Variants in PRSS23 observed in about 807,000 individuals in gnomAD.
PRSS23 encodes serine protease 23, also known as protease, serine 23.
Under a neutral mutation model 34.7 loss-of-function variants are expected in PRSS23, and 25 were observed. The ratio of observed to expected loss-of-function variants is 0.72; its 90% CI spans 0.53 to 1.01. The LOEUF (loss-of-function observed/expected upper bound fraction) is 1.01, where lower values mean the gene tolerates loss of function less well. PRSS23 is among the 50% of genes least tolerant of loss of function. The probability of loss-of-function intolerance (pLI) is 0.00; values close to 1 mark genes in which losing one functional copy is unlikely to be tolerated. For missense variants in PRSS23, 445 were observed against 475.6 expected, an observed-to-expected ratio of 0.94 and a Z score of 0.60; for synonymous variants, 176 against 186.6, an observed-to-expected ratio of 0.94 and a Z score of 0.46.
At chr11:86,856,035 A>C (rs1473928289) in intron 2 of PRSS23, among the ~76,000 whole-genome samples, 3 of 152,202 alleles carry the variant, frequency 2.0e-5, no homozygotes, top group Non-Finnish European at 4.4e-5. Flanking sequence ...AGAATGTGAA[A>C]CTTTAGGGAT....
At chr11:86,951,638 A>C (rs753949923) in exon 3 of PRSS23, 5 of 1,614,088 alleles carry the variant, frequency 3.1e-6, no homozygotes, top group Non-Finnish European at 4.2e-6. Flanking sequence ...CAAGCCAGTC[A>C]GTTCATCTGC....
intron 2 of PRSS23, among the ~76,000 whole-genome samples, chr11:86,853,916 G>A (rs963567759): frequency 1.3e-5 from 2 of 152,082 alleles, no homozygotes; most frequent in Admixed American, 1.3e-4. Flanking sequence ...CCATCCTAAT[G>A]TGTGGTATCA....
intron 1 of PRSS23, among the ~76,000 whole-genome samples, chr11:86,800,987 A>ATG (rs1948030468): frequency 6.6e-6 from 1 of 152,042 alleles, no homozygotes; most frequent in South Asian, 2.1e-4. Context: ...GGCGGGGGCG[A>ATG]TGGCTACACC....
chr11:86,935,789 A>G (rs565492981), intron 2 of PRSS23: 1 of 152,298 alleles, frequency 6.6e-6, no homozygotes, highest in Non-Finnish European at 1.5e-5. Flanking sequence ...GACCCCTGCC[A>G]ACTCCAAAGT....
chr11:86,804,751 G>C (rs572555596), intron 1 of PRSS23, among the ~76,000 whole-genome samples: 51 of 152,268 alleles, frequency 3.3e-4, no homozygotes, highest in Non-Finnish European at 6.2e-4. Flanking sequence ...AGTTTCTTGA[G>C]ACATAATCAT....
chr11:86,917,758 T>A (rs1949023010), intron 2 of PRSS23, among the ~76,000 whole-genome samples: 1 of 152,224 alleles, frequency 6.6e-6, no homozygotes, highest in South Asian at 2.1e-4. Flanking sequence ...TTAGGGCAGA[T>A]GATTGATCTC....
At chr11:86,859,032 C>T (rs757005395) in intron 2 of PRSS23, among the ~76,000 whole-genome samples, 5 of 151,810 alleles carry the variant, frequency 3.3e-5, no homozygotes, top group African/African-American at 7.3e-5. Context: ...GTACACACAC[C>T]GGTCTAAAAT....
intron 2 of PRSS23, among the ~76,000 whole-genome samples, chr11:86,886,356 A>T (rs934117814): frequency 3.7e-4 from 56 of 152,298 alleles, no homozygotes; most frequent in African/African-American, 1.3e-3. Flanking sequence ...GATCATTTGT[A>T]GGAGTATAAA....
chr11:86,882,092 G>A (rs542222192), intron 2 of PRSS23, among the ~76,000 whole-genome samples: 11 of 152,112 alleles, frequency 7.2e-5, no homozygotes, highest in South Asian at 2.1e-4. Flanking sequence ...TACTATTCTC[G>A]ATTTCATTAT....
exon 3 of PRSS23, chr11:86,952,229 T>C (rs1294592189): frequency 1.2e-6 from 2 of 1,614,144 alleles, no homozygotes; most frequent in Middle Eastern, 1.6e-4. Context: ...TTCCCCAGGC[T>C]GGATGGGGGT....
downstream of PRSS23, among the ~76,000 whole-genome samples, chr11:86,815,165 C>G (rs1292595818): frequency 6.6e-6 from 1 of 152,162 alleles, no homozygotes; most frequent in Non-Finnish European, 1.5e-5. Context: ...GGAACAGCAG[C>G]CAGTTCTTGC....
chr11:86,942,484 T>TA (rs548576156), intron 2 of PRSS23, among the ~76,000 whole-genome samples: 35 of 152,330 alleles, frequency 2.3e-4, no homozygotes, highest in African/African-American at 8.4e-4. Context: ...TTTAATCTCT[T>TA]AAAGAGAAAG....
Position 86,808,290 on chromosome 11 carries a change from A to T in PRSS23, c.647A>T (p.Gln216Leu). The T allele has an allele frequency of 6.2e-7, 1 of 1,614,164 alleles. No homozygotes were observed. Among genetic ancestry groups the T allele is most frequent in the South Asian group, 1.1e-5 (1 of 91,082 alleles). The change falls in exon 2 of 2, where the codon CAG becomes CTG. Residue 216 changes from glutamine (Q) to leucine (L), a missense_variant. Transcript: ENST00000280258. ...ANDSTSAMPEQMKFQWIRVKR... is the reference protein window; with the variant it reads ...ANDSTSAMPELMKFQWIRVKR... Reference sequence around the variant, plus strand: ...GACTCCACTTCAGCCATGCCCGAGCAGATGAAATTTCAGTGGATCCGGGTG... The same window carrying T: ...GACTCCACTTCAGCCATGCCCGAGCTGATGAAATTTCAGTGGATCCGGGTG...
intron 2 of PRSS23, among the ~76,000 whole-genome samples, chr11:86,873,992 A>G (rs1948705914): frequency 6.6e-6 from 1 of 152,222 alleles, no homozygotes; most frequent in Admixed American, 6.5e-5. Context: ...TGCAAGACAT[A>G]GATTAGGGAA....
chr11:86,831,400 A>G (rs1590883989), intron 2 of PRSS23, among the ~76,000 whole-genome samples: 1 of 151,738 alleles, frequency 6.6e-6, no homozygotes, highest in African/African-American at 2.4e-5. Context: ...ATTTTTTGTA[A>G]TATCCTAGTG....
intron 2 of PRSS23, among the ~76,000 whole-genome samples, chr11:86,940,027 T>C (rs912131804): frequency 6.6e-6 from 1 of 152,118 alleles, no homozygotes; most frequent in African/African-American, 2.4e-5. Flanking sequence ...ACCTTTACTA[T>C]GAAATTTGAA....
chr11:86,830,265 G>A lies in PRSS23; in HGVS notation c.206+6672G>A, dbSNP rs1045343787. Among the ~76,000 whole-genome samples, 172 of 152,278 alleles carry A rather than the reference G, an allele frequency of 1.1e-3. 2 individuals carry two copies. Among genetic ancestry groups the A allele is most frequent in the African/African-American group, 4.0e-3 (168 of 41,542 alleles). On this transcript the variant is annotated intron_variant, in intron 2 of 2. Coordinates refer to the PRSS23 transcript ENST00000533902. ...TCAGACTGCTGTGCTAGCAATCAGC[G>A]AGACTCCATGGGCATAGGACCCTCC...
At chr11:86,939,809 C>T (rs1399973605) in intron 2 of PRSS23, among the ~76,000 whole-genome samples, 1 of 149,800 alleles carries the variant, frequency 6.7e-6, no homozygotes, top group African/African-American at 2.5e-5. Context: ...CACAAAAATG[C>T]TAGGAAGTGG....
At chr11:86,887,535 A>C (rs955407547) in intron 2 of PRSS23, among the ~76,000 whole-genome samples, 3 of 152,238 alleles carry the variant, frequency 2.0e-5, no homozygotes, top group Admixed American at 6.5e-5. Flanking sequence ...CCCTGTGAGC[A>C]CATGGAACAC....
Sources: allele counts gnomAD v4.1 joint callset (sites outside exome capture counted in the v4.1 genomes callset), GRCh38; gene constraint gnomAD v4.1.1; transcripts MANE v1.5; gene names NCBI Gene and HGNC (gene_info 2026-07-23, HGNC 2026-07-21).